The following PPFIBP1 variants were observed in gnomAD, a reference collection of about 807,000 sequenced individuals.
PPFIBP1 encodes the protein liprin-beta-1.
A neutral mutation model predicts 137.8 loss-of-function variants in PPFIBP1; 112 were observed. That is an observed-to-expected ratio of 0.81 (90% CI 0.70 to 0.95). The LOEUF is 0.95. Ranked by LOEUF, PPFIBP1 falls within the 40% of genes least tolerant of loss-of-function variation. PPFIBP1 has a pLI of 0.00. For missense variants in PPFIBP1, 1,083 were observed against 1,196.6 expected, an observed-to-expected ratio of 0.91 and a Z score of 1.40; for synonymous variants, 378 against 417.3, an observed-to-expected ratio of 0.91 and a Z score of 1.15.
intron 1 of PPFIBP1, among the ~76,000 whole-genome samples, chr12:27,550,991 A>ATATATATAT (rs375148048): frequency 8.8e-5 from 12 of 136,714 alleles, no homozygotes; most frequent in African/African-American, 3.3e-4. Context: ...ATATATATAT[A>ATATATATAT]TTTTTTTTTT....
intron 13 of PPFIBP1, 111 bp downstream of exon 13, chr12:27,667,431 C>T: frequency 1.1e-6 from 1 of 948,750 alleles, no homozygotes; most frequent in South Asian, 2.9e-5. Flanking sequence ...GTTCCATCAC[C>T]AACTCAAGTG....
chr12:27,670,929 G>A (rs545129589), intron 13 of PPFIBP1, among the ~76,000 whole-genome samples: 41 of 152,020 alleles, frequency 2.7e-4, no homozygotes, highest in African/African-American at 9.2e-4. Context: ...GATGCCTAGC[G>A]AAGTTATTTG....
chr12:27,601,420 T>C (rs1164884829), intron 2 of PPFIBP1, among the ~76,000 whole-genome samples: 1 of 152,208 alleles, frequency 6.6e-6, no homozygotes, highest in Non-Finnish European at 1.5e-5. Context: ...TTATCAAGGC[T>C]CATGCACTTA....
chr12:27,593,713 T>G, intron 2 of PPFIBP1: 1 of 615,574 alleles, frequency 1.6e-6, no homozygotes, highest in South Asian at 2.1e-5. Flanking sequence ...TTGGCTCCAT[T>G]TAGAAGCCTA....
chr12:27,617,496 C>A (rs1168140441), intron 2 of PPFIBP1, among the ~76,000 whole-genome samples: 2 of 152,128 alleles, frequency 1.3e-5, no homozygotes, highest in Non-Finnish European at 2.9e-5. Flanking sequence ...GTACAATTGT[C>A]CCTTGGTATC....
At chr12:27,660,423 ATAC>A (rs1453418441) in intron 10 of PPFIBP1, among the ~76,000 whole-genome samples, 1 of 152,212 alleles carries the variant, frequency 6.6e-6, no homozygotes, top group African/African-American at 2.4e-5. Context: ...ACTCATGTAA[ATAC>A]TACAAGCCAT....
intron 2 of PPFIBP1, among the ~76,000 whole-genome samples, chr12:27,613,060 C>T (rs1348735667): frequency 1.3e-5 from 2 of 152,126 alleles, no homozygotes; most frequent in Non-Finnish European, 2.9e-5. Context: ...GGTACCCCAT[C>T]TCTCCAGAAG....
intron 13 of PPFIBP1, among the ~76,000 whole-genome samples, chr12:27,670,794 A>AAT (rs1555238678): frequency 2.2e-5 from 3 of 139,420 alleles, no homozygotes; most frequent in African/African-American, 7.9e-5. Context: ...AAAAAAAAAA[A>AAT]AATAATAATA....
intron 4 of PPFIBP1, 32 bp from the exon 5 acceptor site, chr12:27,646,030 A>G (rs1330139202): frequency 1.4e-6 from 2 of 1,451,412 alleles, no homozygotes; most frequent in Admixed American, 1.7e-5. Flanking sequence ...CTTAGAGAAG[A>G]TCAGCCTTAC....
At chr12:27,607,355 A>G (rs1199846054) in intron 2 of PPFIBP1, among the ~76,000 whole-genome samples, 3 of 152,242 alleles carry the variant, frequency 2.0e-5, no homozygotes, top group African/African-American at 7.2e-5. Context: ...GAATGGCATT[A>G]CTAGGGGAAG....
At chr12:27,670,796 AT>A (rs1214481268) in intron 13 of PPFIBP1, among the ~76,000 whole-genome samples, 8 of 147,588 alleles carry the variant, frequency 5.4e-5, no homozygotes, top group African/African-American at 1.5e-4. Context: ...AAAAAAAAAA[AT>A]AATAATAATA....
chr12:27,676,551 T>G lies in PPFIBP1; in HGVS notation c.1534T>G (p.Phe512Val), dbSNP rs2060523727. 6.2e-7 allele frequency: 1 copy of G among 1,605,456 alleles called. No homozygotes were observed. Among genetic ancestry groups the G allele is most frequent in the African/African-American group, 1.3e-5 (1 of 74,480 alleles). ...AGTCAGATCTTCCTTTGGCCGGGGCTTTTTTAAAATCAAAAGTAACAAGAG... is the reference window on the plus strand; with the variant it reads ...AGTCAGATCTTCCTTTGGCCGGGGCGTTTTTAAAATCAAAAGTAACAAGAG... ...RKVRSSFGRG[F>V]FKIKSNKRTA... Residue 512 changes from phenylalanine to valine, a missense_variant, in exon 18 of 30, where the codon TTT becomes GTT. Physicochemically the swap from Phe to Val is conservative, Grantham distance 50. Transcript: ENST00000228425.
At chr12:27,541,459 A>AG (rs573253908) in intron 1 of PPFIBP1, among the ~76,000 whole-genome samples, 1 of 152,166 alleles carries the variant, frequency 6.6e-6, no homozygotes, top group African/African-American at 2.4e-5. Context: ...ACACCTGGCA[A>AG]GGGGTGTGTT....
At chr12:27,652,873 T>G (rs910173375) in intron 7 of PPFIBP1, among the ~76,000 whole-genome samples, 1 of 152,186 alleles carries the variant, frequency 6.6e-6, no homozygotes, top group African/African-American at 2.4e-5. Flanking sequence ...AAAAGCTGAT[T>G]TTTTTCTTTA....
chr12:27,563,278 A>G (rs141949607), intron 1 of PPFIBP1, among the ~76,000 whole-genome samples: 307 of 41,440 alleles, frequency 7.4e-3, no homozygotes, highest in Non-Finnish European at 0.012. Context: ...CATCTCTACT[A>G]AAAAAAAAAA....
intron 21 of PPFIBP1, 102 bp downstream of exon 21, chr12:27,680,163 C>T (rs1412346412): frequency 8.3e-6 from 12 of 1,438,188 alleles, no homozygotes; most frequent in Non-Finnish European, 1.1e-5. Flanking sequence ...AAAGTCATTG[C>T]TTAATGCTGT....
At chr12:27,599,743 C>A (rs984703385) in intron 2 of PPFIBP1, among the ~76,000 whole-genome samples, 2 of 152,172 alleles carry the variant, frequency 1.3e-5, no homozygotes, top group African/African-American at 4.8e-5. Context: ...CTGTGGTATT[C>A]TTGCCAACAA....
At chr12:27,553,166 T>A (rs1336712687) in intron 1 of PPFIBP1, among the ~76,000 whole-genome samples, 1 of 152,186 alleles carries the variant, frequency 6.6e-6, no homozygotes, top group Non-Finnish European at 1.5e-5. Flanking sequence ...CCCCATATAC[T>A]GCCCAGGCTG....
intron 4 of PPFIBP1, among the ~76,000 whole-genome samples, chr12:27,640,682 G>C (rs1324299928): frequency 6.6e-6 from 1 of 151,914 alleles, no homozygotes; most frequent in African/African-American, 2.4e-5. Context: ...CTGCCTGGTT[G>C]CTTGGTTTCC....
Sources: gnomAD v4.1 joint callset for allele counts (sites outside exome capture counted in the v4.1 genomes callset) on GRCh38, gnomAD v4.1.1 for gene constraint, MANE v1.5 for transcripts, NCBI Gene and HGNC (gene_info 2026-07-23, HGNC 2026-07-21) for gene names.